The following SLC16A7 variants were observed in gnomAD, a reference collection of about 807,000 sequenced individuals.
SLC16A7 encodes monocarboxylate transporter 2.
In SLC16A7, 33 loss-of-function variants were observed where a neutral mutation model predicts 34.9. The ratio of observed to expected loss-of-function variants is 0.94; its 90% CI spans 0.72 to 1.26. The LOEUF is 1.26. SLC16A7 is among the 50% of genes most tolerant of loss of function. The pLI, the probability that SLC16A7 is intolerant of heterozygous loss-of-function variation, is 0.00. For missense variants in SLC16A7, 573 were observed against 578.1 expected (o/e 0.99, Z 0.09); for synonymous variants, 201 against 206.6 (o/e 0.97, Z 0.23).
intron 1 of SLC16A7, among the ~76,000 whole-genome samples, chr12:59,624,351 A>G (rs903102450): frequency 7.3e-5 from 11 of 151,442 alleles, no homozygotes; most frequent in African/African-American, 2.7e-4. Context: ...ACAATTCTTC[A>G]TGTTCTCTAA....
intron 2 of SLC16A7, among the ~76,000 whole-genome samples, chr12:59,678,955 C>T (rs1056493239): frequency 6.6e-5 from 10 of 152,278 alleles, no homozygotes; most frequent in Middle Eastern, 3.4e-3. Context: ...CTGCCCTGAG[C>T]GAACACACAC....
chr12:59,613,975 C>G (rs948607880), intron 1 of SLC16A7, among the ~76,000 whole-genome samples: 1 of 151,286 alleles, frequency 6.6e-6, no homozygotes, highest in South Asian at 2.1e-4. Flanking sequence ...CCGAATGAAA[C>G]AAATTTGATA....
At chr12:59,642,987 C>A (rs1005168385) in intron 1 of SLC16A7, among the ~76,000 whole-genome samples, 13 of 152,016 alleles carry the variant, frequency 8.6e-5, no homozygotes, top group South Asian at 6.2e-4. Flanking sequence ...CCAGCATATC[C>A]TCAGAATACA....
intron 2 of SLC16A7, among the ~76,000 whole-genome samples, chr12:59,686,614 G>A (rs1871183172): frequency 1.3e-5 from 2 of 151,730 alleles, no homozygotes; most frequent in Admixed American, 1.3e-4. Flanking sequence ...AGATCATTTA[G>A]TTCCAGTTAA....
intron 2 of SLC16A7, among the ~76,000 whole-genome samples, chr12:59,675,055 C>T (rs1247244777): frequency 2.0e-5 from 3 of 152,146 alleles, no homozygotes; most frequent in East Asian, 1.9e-4. Context: ...AGAACAAGGC[C>T]GTATGCCTGT....
Position 59,785,861 on chromosome 12 carries a change from A to G in SLC16A7, c.*6182A>G, listed in dbSNP as rs969132100. 6.6e-6 allele frequency: 1 copy of G among 152,106 alleles called. No homozygotes were observed. The highest frequency in any genetic ancestry group is 1.5e-5 in the Non-Finnish European group (1 of 68,024). The allele number at this position is 152,106 out of a possible 1,614,324, so 9.4% of individuals were successfully genotyped here. A position where few individuals can be genotyped will look rare whatever the true frequency, so the allele number is the denominator to read the frequency against. On this transcript the variant is annotated 3_prime_UTR_variant, in exon 6 of 6. Transcript: ENST00000547379. ...TGAAAACACTGATACTGAACATTCT[A>G]TTAAAATAGAATAAGTTCGTGTAGG...
chr12:59,710,697 G>A (rs1257785763), intron 3 of SLC16A7, among the ~76,000 whole-genome samples: 2 of 152,234 alleles, frequency 1.3e-5, no homozygotes, highest in Non-Finnish European at 2.9e-5. Flanking sequence ...ACAAGAATAA[G>A]ACTATCTTTC....
chr12:59,657,296 C>T (rs950181895), intron 2 of SLC16A7, among the ~76,000 whole-genome samples: 8 of 151,756 alleles, frequency 5.3e-5, no homozygotes, highest in South Asian at 2.1e-4. Flanking sequence ...CTTCTTTGTC[C>T]GTTTTCATCA....
At chr12:59,617,197 T>C (rs1297900359) in intron 1 of SLC16A7, among the ~76,000 whole-genome samples, 2 of 152,038 alleles carry the variant, frequency 1.3e-5, no homozygotes, top group Non-Finnish European at 2.9e-5. Flanking sequence ...ATCACCTAAA[T>C]TAGAGTACAT....
intron 1 of SLC16A7, among the ~76,000 whole-genome samples, chr12:59,618,071 A>G (rs1879535524): frequency 6.6e-6 from 1 of 151,912 alleles, no homozygotes; most frequent in Non-Finnish European, 1.5e-5. Flanking sequence ...GGGCAAAGAC[A>G]TTTAGATTAT....
At chr12:59,691,284 C>T (rs917074178) in intron 2 of SLC16A7, among the ~76,000 whole-genome samples, 1 of 151,746 alleles carries the variant, frequency 6.6e-6, no homozygotes, top group Admixed American at 6.6e-5. Flanking sequence ...TCAGTTGCCC[C>T]GAATATACAC....
chr12:59,665,260 A>G (rs1442045359), intron 2 of SLC16A7, among the ~76,000 whole-genome samples: 1 of 152,092 alleles, frequency 6.6e-6, no homozygotes, highest in Non-Finnish European at 1.5e-5. Flanking sequence ...TGTACATTAT[A>G]TAGTGTGCCA....
chr12:59,667,783 G>A (rs1030318921), intron 2 of SLC16A7, among the ~76,000 whole-genome samples: 26 of 152,200 alleles, frequency 1.7e-4, no homozygotes, highest in Non-Finnish European at 3.5e-4. Context: ...AGAGGCCTTC[G>A]TGGCAGCCCC....
At chr12:59,733,951 T>C in intron 3 of SLC16A7, 1 of 404,254 alleles carries the variant, frequency 2.5e-6, no homozygotes, top group South Asian at 1.8e-5. Flanking sequence ...GTCTGGGGTT[T>C]TTAAGGGGTC....
At chr12:59,646,816 C>T (rs540609380) in intron 1 of SLC16A7, among the ~76,000 whole-genome samples, 7 of 152,300 alleles carry the variant, frequency 4.6e-5, no homozygotes, top group African/African-American at 1.7e-4. Flanking sequence ...TGGGAGCTCA[C>T]TTCTTGCATC....
At chr12:59,659,711 C>T (rs1302023926) in intron 2 of SLC16A7, among the ~76,000 whole-genome samples, 2 of 152,056 alleles carry the variant, frequency 1.3e-5, no homozygotes, top group African/African-American at 4.8e-5. Context: ...AAAACTTAGG[C>T]TTTCCCTTGT....
chr12:59,691,250 G>A (rs1335934607), intron 2 of SLC16A7, among the ~76,000 whole-genome samples: 3 of 151,946 alleles, frequency 2.0e-5, no homozygotes, highest in Non-Finnish European at 2.9e-5. Flanking sequence ...CCAAGCTTGC[G>A]GATTGCAGCT....
Position 59,702,649 on chromosome 12 carries a change from G to A in SLC16A7, c.-30-2123G>A, listed in dbSNP as rs1379758208. Among the ~76,000 whole-genome samples, 5 of 152,002 alleles carry A rather than the reference G, an allele frequency of 3.3e-5. No homozygotes were observed. In the East Asian group the frequency reaches 9.6e-4, roughly 29 times the overall value. On this transcript the variant is annotated intron_variant, in intron 2 of 5. Coordinates refer to ENST00000547379, the MANE Select transcript of SLC16A7 (RefSeq NM_001270623.2). ...TAGTTTCCATGACATTTTTTGGTAGGCTTCTAACATACAAATGTGTACCTA... is the reference window on the plus strand; with the variant it reads ...TAGTTTCCATGACATTTTTTGGTAGACTTCTAACATACAAATGTGTACCTA...
rs530273509 is a variant in SLC16A7, at chr12:59,683,927, T to G, written c.-30-20845T>G. On this transcript the variant is annotated intron_variant, in intron 2 of 5. Coordinates refer to ENST00000547379, the MANE Select transcript of SLC16A7 (RefSeq NM_001270623.2). ...ACAACTGAATATTATTACATACCAT[T>G]AAAAATTGTAATTAGATGAGGTTCA... Among the ~76,000 whole-genome samples, 4 of 152,284 alleles carry G rather than the reference T, an allele frequency of 2.6e-5. No individual in the cohort carries two copies. In the South Asian group the frequency reaches 8.3e-4, roughly 32 times the overall value.
Sources: gnomAD v4.1 joint callset for allele counts (sites outside exome capture counted in the v4.1 genomes callset) on GRCh38, gnomAD v4.1.1 for gene constraint, MANE v1.5 for transcripts, NCBI Gene and HGNC (gene_info 2026-07-23, HGNC 2026-07-21) for gene names.